CPEB1: variants seen among roughly 807,000 people sequenced by gnomAD.
CPEB1 encodes the protein cytoplasmic polyadenylation element binding protein 1.
Under a neutral mutation model 65.8 loss-of-function variants are expected in CPEB1, and 7 were observed. The observed-to-expected ratio is 0.11, with a 90% CI of 0.06 to 0.20. The LOEUF is 0.20. Among genes scored for constraint, CPEB1 ranks in the 10% least tolerant of loss-of-function variants. CPEB1 has a pLI of 1.00. For missense variants in CPEB1, 551 were observed against 712.2 expected (o/e 0.77, Z 2.58); for synonymous variants, 262 against 260.0 (o/e 1.01, Z -0.08).
intron 2 of CPEB1, among the ~76,000 whole-genome samples, chr15:82,627,835 TACCTTGCCAGTAAAGG>T (rs2045903317): frequency 6.6e-6 from 1 of 152,194 alleles, no homozygotes; most frequent in East Asian, 1.9e-4. Flanking sequence ...AGTCAGAAAG[TACCTTGCCAGTAAAGG>T]ACTTTTTTTA....
chr15:82,566,136 G>T (rs1010203824), intron 4 of CPEB1, among the ~76,000 whole-genome samples: 3 of 152,166 alleles, frequency 2.0e-5, no homozygotes, highest in Admixed American at 6.5e-5. Flanking sequence ...GAGTACAAAG[G>T]CACCTGGAGT....
intron 3 of CPEB1, among the ~76,000 whole-genome samples, chr15:82,574,253 C>T (rs984198629): frequency 6.6e-5 from 10 of 152,180 alleles, no homozygotes; most frequent in Non-Finnish European, 1.3e-4. Flanking sequence ...CAACTCAATG[C>T]AGGCCATACC....
chr15:82,557,606 C>T (rs2037450862), intron 5 of CPEB1, 154 bp downstream of exon 5: 3 of 649,630 alleles, frequency 4.6e-6, no homozygotes, highest in African/African-American at 3.6e-5. Flanking sequence ...GAGAACTCTA[C>T]AAATGTCCAC....
At chr15:82,565,880 C>T (rs756646011) in intron 4 of CPEB1, among the ~76,000 whole-genome samples, 5 of 152,180 alleles carry the variant, frequency 3.3e-5, no homozygotes, top group Non-Finnish European at 5.9e-5. Flanking sequence ...CTAGAACAGA[C>T]GTACCCATCC....
At chr15:82,577,721 C>T (rs1264509874) in intron 3 of CPEB1, among the ~76,000 whole-genome samples, 1 of 152,052 alleles carries the variant, frequency 6.6e-6, no homozygotes, top group African/African-American at 2.4e-5. Context: ...CAGGGTCTTG[C>T]TATGTTGCCC....
chr15:82,610,595 C>T (rs1179676062), intron 3 of CPEB1, among the ~76,000 whole-genome samples: 1 of 151,940 alleles, frequency 6.6e-6, no homozygotes. Flanking sequence ...TCAATGGACA[C>T]AGACAAGTAT....
Position 82,544,424 on chromosome 15 carries a change from A to G in CPEB1, c.*168T>C, listed in dbSNP as rs1173633498. 3.1e-5 allele frequency: 18 copies of G among 587,758 alleles called. No individual in the cohort carries two copies. In the East Asian group the frequency reaches 5.0e-4, roughly 16 times the overall value. The allele number at this position is 587,758 out of a possible 1,614,324, so 36.4% of individuals were successfully genotyped here. On this transcript the variant is annotated 3_prime_UTR_variant, in exon 13 of 13. Coordinates refer to ENST00000684509, the MANE Select transcript of CPEB1 (RefSeq NM_001365242.1). ...CAAAACCTGACAAAACTCAATGTGC[A>G]TTAATTAGTGCAGAAACAAAGACAG...
intron 2 of CPEB1, chr15:82,628,015 A>AG: frequency 3.4e-6 from 2 of 580,168 alleles, no homozygotes; most frequent in African/African-American, 3.7e-5. Context: ...GTCAGCCTCC[A>AG]GATCAAGGGG....
intron 9 of CPEB1, among the ~76,000 whole-genome samples, chr15:82,551,152 T>C (rs549860704): frequency 6.6e-6 from 1 of 152,302 alleles, no homozygotes; most frequent in East Asian, 1.9e-4. Flanking sequence ...AGCCAGAGGA[T>C]GAGCCTGCCC....
intron 3 of CPEB1, among the ~76,000 whole-genome samples, chr15:82,576,762 C>CTA (rs760582576): frequency 1.3e-5 from 2 of 152,170 alleles, no homozygotes; most frequent in Non-Finnish European, 2.9e-5. Flanking sequence ...GTGGCTCATA[C>CTA]GTGTAGTCCC....
Position 82,549,295 on chromosome 15 carries a change from G to A in CPEB1, c.1480+165C>T, listed in dbSNP as rs117369721. Among the ~76,000 whole-genome samples, 194 of 152,206 alleles carry A rather than the reference G, an allele frequency of 1.3e-3. 1 individual carries two copies. Among genetic ancestry groups the A allele is most frequent in the Non-Finnish European group, 2.4e-3 (163 of 68,010 alleles). On this transcript the variant is annotated intron_variant, in intron 10 of 12. Transcript: ENST00000684509. ...GTGGGTAGAGGGCTAGATACAGAAG[G>A]GCCAGTACTCGTGACTTGTCTAGAA...
chr15:82,572,328 G>T (rs986551475), intron 3 of CPEB1, among the ~76,000 whole-genome samples: 1 of 152,206 alleles, frequency 6.6e-6, no homozygotes, highest in Admixed American at 6.5e-5. Flanking sequence ...GGACCCTGGG[G>T]AACAACACCT....
intron 3 of CPEB1, among the ~76,000 whole-genome samples, chr15:82,597,690 T>C (rs1001092859): frequency 2.6e-5 from 4 of 152,148 alleles, no homozygotes; most frequent in African/African-American, 9.7e-5. Context: ...TCCAGCTCTT[T>C]CTCTTTTTCA....
At chr15:82,570,587 G>A (rs2039873521) in intron 4 of CPEB1, among the ~76,000 whole-genome samples, 1 of 152,080 alleles carries the variant, frequency 6.6e-6, no homozygotes, top group Non-Finnish European at 1.5e-5. Context: ...GTAACAGAAG[G>A]TATAAGCAGA....
chr15:82,639,413 G>A (rs907312763), intron 1 of CPEB1, among the ~76,000 whole-genome samples: 5 of 151,918 alleles, frequency 3.3e-5, no homozygotes, highest in Middle Eastern at 3.4e-3. Context: ...TCAGGCTTCT[G>A]TTGTTACCAG....
intron 1 of CPEB1, among the ~76,000 whole-genome samples, chr15:82,640,371 T>C (rs1047186247): frequency 2.6e-5 from 4 of 152,220 alleles, no homozygotes; most frequent in Non-Finnish European, 5.9e-5. Context: ...TGCTCATTTC[T>C]CTTGCACATA....
intron 3 of CPEB1, among the ~76,000 whole-genome samples, chr15:82,573,911 G>A (rs1181847089): frequency 6.6e-6 from 1 of 152,144 alleles, no homozygotes; most frequent in African/African-American, 2.4e-5. Context: ...AGGCAGCAGT[G>A]AAAGCCATGA....
chr15:82,635,566 A>G (rs2046589217), intron 1 of CPEB1, among the ~76,000 whole-genome samples: 1 of 152,184 alleles, frequency 6.6e-6, no homozygotes, highest in South Asian at 2.1e-4. Flanking sequence ...TTTTTCAACC[A>G]ACAAAATGGC....
chr15:82,544,546 C>T lies in CPEB1; in HGVS notation c.*46G>A. On this transcript the variant is annotated 3_prime_UTR_variant, in exon 13 of 13. Transcript: ENST00000684509. ...AGGGTGGTGCAGGCTGCTTGCCTGA[C>T]CTGCCAGCTTTGGGCGCCACAGGCC... The T allele has an allele frequency of 6.7e-7, 1 of 1,493,222 alleles. No individual in the cohort carries two copies. The highest frequency in any genetic ancestry group is 9.2e-7 in the Non-Finnish European group (1 of 1,081,686). The allele number at this position is 1,493,222 out of a possible 1,614,324, so 92.5% of individuals were successfully genotyped here. A position where few individuals can be genotyped will look rare whatever the true frequency, so the allele number is the denominator to read the frequency against.
Sources: allele counts gnomAD v4.1 joint callset (sites outside exome capture counted in the v4.1 genomes callset), GRCh38; gene constraint gnomAD v4.1.1; transcripts MANE v1.5; gene names NCBI Gene and HGNC (gene_info 2026-07-23, HGNC 2026-07-21).